ENO1: variants seen among roughly 807,000 people sequenced by gnomAD.
ENO1 encodes the protein alpha-enolase.
A neutral mutation model predicts 46.3 loss-of-function variants in ENO1; 33 were observed. The observed-to-expected ratio is 0.71, with a 90% CI of 0.54 to 0.95. The LOEUF (loss-of-function observed/expected upper bound fraction) is 0.95. ENO1 is among the 40% of genes least tolerant of loss of function. The probability of loss-of-function intolerance (pLI) is 0.00; values close to 1 mark genes in which losing one functional copy is unlikely to be tolerated. For missense variants in ENO1, 488 were observed against 553.3 expected (o/e 0.88, Z 1.18); for synonymous variants, 220 against 216.0 (o/e 1.02, Z -0.16).
Position 8,878,438 on chromosome 1 carries a change from C to G in ENO1, c.-10+142G>C, listed in dbSNP as rs890628057. 8.7e-6 allele frequency: 3 copies of G among 343,826 alleles called. No individual in the cohort carries two copies. In the Admixed American group the frequency reaches 1.2e-4, roughly 14 times the overall value. 21.3% of individuals were successfully genotyped at this position (343,826 alleles called of 1,614,324 possible). A position where few individuals can be genotyped will look rare whatever the true frequency, so the allele number is the denominator to read the frequency against. ...GTGAGCGGGGGCGCCAGTTCCCACC[C>G]AGGGAGGCGGCTTGCACGTGCCCCC... On this transcript the variant is annotated intron_variant, in intron 1 of 11. Coordinates refer to ENST00000234590, the MANE Select transcript of ENO1 (RefSeq NM_001428.5).
At chr1:8,863,158 G>C (rs1374790230) in intron 10 of ENO1, 77 bp downstream of exon 10, 4 of 1,535,096 alleles carry the variant, frequency 2.6e-6, no homozygotes, top group Non-Finnish European at 3.6e-6. Context: ...AACGGGGACA[G>C]ACATGGAGCC....
intron 11 of ENO1, 106 bp downstream of exon 11, chr1:8,862,781 A>T: frequency 7.8e-7 from 1 of 1,289,614 alleles, no homozygotes; most frequent in Non-Finnish European, 1.1e-6. Flanking sequence ...CTGCACCTGT[A>T]CATGTTCCCA....
chr1:8,863,791 A>T (rs1642453589), intron 9 of ENO1, 100 bp downstream of exon 9: 3 of 1,347,324 alleles, frequency 2.2e-6, no homozygotes, highest in African/African-American at 2.9e-5. Context: ...CGAGTCCTAC[A>T]TTCTGGCCAG....
intron 10 of ENO1, 99 bp downstream of exon 10, chr1:8,863,136 G>A (rs953336245): frequency 1.6e-5 from 23 of 1,439,234 alleles, no homozygotes; most frequent in Non-Finnish European, 2.2e-5. Context: ...CTGACTCAGG[G>A]GACATGAGCA....
Position 8,870,717 on chromosome 1 carries a change from G to C in ENO1, c.182-207C>G, listed in dbSNP as rs964448690. 4 of 1,434,434 alleles carry C rather than the reference G, an allele frequency of 2.8e-6. No homozygotes were observed. The African/African-American group carries it at 5.7e-5, about 21-fold the overall frequency. 88.9% of individuals were successfully genotyped at this position (1,434,434 alleles called of 1,614,324 possible). A position where few individuals can be genotyped will look rare whatever the true frequency, so the allele number is the denominator to read the frequency against. ...TCCTACCTAGGACCCCAGAGGGTTA[G>C]AGCCACACAAAACAGCAGCTGGCTC... On this transcript the variant is annotated intron_variant, in intron 3 of 11. Transcript: ENST00000234590.
chr1:8,871,075 C>A (rs1003681132), intron 3 of ENO1: 5 of 1,224,046 alleles, frequency 4.1e-6, no homozygotes, highest in Non-Finnish European at 5.1e-6. Context: ...TCATCCTGCT[C>A]CGGCTAAGTC....
In ENO1 at chr1:8,863,507, C is replaced by T. The variant is rs1250086984; in HGVS notation, c.1068-164G>A. On this transcript the variant is annotated intron_variant, in intron 9 of 11. Coordinates refer to ENST00000234590, the MANE Select transcript of ENO1 (RefSeq NM_001428.5). ...CAAGAGCACAGAGGAGAACCCTCAC[C>T]CTCCCCTGAACTCTTCCACCCCCAG... Among the ~76,000 whole-genome samples, 5 of 152,186 alleles carry T rather than the reference C, an allele frequency of 3.3e-5. No individual in the cohort carries two copies. The East Asian group carries it at 7.7e-4, about 23-fold the overall frequency.
At chr1:8,873,510 C>T (rs1321177013) in intron 2 of ENO1, among the ~76,000 whole-genome samples, 1 of 152,136 alleles carries the variant, frequency 6.6e-6, no homozygotes, top group Non-Finnish European at 1.5e-5. Flanking sequence ...CATTAATATC[C>T]AAGTAGAAAG....
At chr1:8,868,596 G>GAT (rs1392490815) in intron 4 of ENO1, among the ~76,000 whole-genome samples, 8 of 152,192 alleles carry the variant, frequency 5.3e-5, no homozygotes, top group Admixed American at 5.2e-4. Context: ...GGATCAAAAT[G>GAT]AATTTTTGAT....
rs1376556900 is a variant in ENO1 at position 8,867,288 on chromosome 1, C to T, written c.311-38G>A. 3.1e-6 allele frequency: 5 copies of T among 1,609,200 alleles called. No individual in the cohort carries two copies. In the South Asian group the frequency reaches 4.4e-5, roughly 14 times the overall value. On this transcript the variant is annotated intron_variant, in intron 5 of 11. Coordinates refer to ENST00000234590, the MANE Select transcript of ENO1 (RefSeq NM_001428.5). ...AGAACCGAGTGGAATGAAGTCATTTCTGATTCACCAGCTTTTCTCCTGCTG... is the reference window on the plus strand; with the variant it reads ...AGAACCGAGTGGAATGAAGTCATTTTTGATTCACCAGCTTTTCTCCTGCTG...
At chr1:8,876,879 T>C (rs1161313230) in intron 1 of ENO1, among the ~76,000 whole-genome samples, 2 of 152,030 alleles carry the variant, frequency 1.3e-5, no homozygotes, top group Admixed American at 6.5e-5. Flanking sequence ...AGTTTCGCTG[T>C]TGTCGCCCAG....
chr1:8,875,015 G>T (rs572325354), intron 1 of ENO1, 98 bp from the exon 2 acceptor site: 869 of 977,910 alleles, frequency 8.9e-4, no homozygotes, highest in Non-Finnish European at 1.2e-3. Flanking sequence ...GGACTAGAGA[G>T]AATCAGCACT....
In ENO1 at chr1:8,875,062, G is replaced by A. The variant is rs1029728434; in HGVS notation, c.-9-145C>T. On this transcript the variant is annotated intron_variant, in intron 1 of 11. Coordinates refer to ENST00000234590, the MANE Select transcript of ENO1 (RefSeq NM_001428.5). ...TGGATGTAGGAAAGCTGGCTAGGGT[G>A]GGGGGAAAAGCCTGCTGGAAAGCAG... 7 of 614,006 alleles carry A rather than the reference G, an allele frequency of 1.1e-5. No homozygotes were observed. In the African/African-American group the frequency reaches 1.3e-4, roughly 12 times the overall value. The allele number at this position is 614,006 out of a possible 1,614,324, so 38.0% of individuals were successfully genotyped here. A position where few individuals can be genotyped will look rare whatever the true frequency, so the allele number is the denominator to read the frequency against.
rs1306061979 is a variant in ENO1, at chr1:8,866,029, C to T, written c.667+250G>A. ...CCAGGAGGCGGAAGTTGTAGTGAGC[C>T]GAGATTGCGCCACTGCACTCCAGCC... On this transcript the variant is annotated intron_variant, in intron 7 of 11. Transcript: ENST00000234590. 7 of 418,588 alleles carry T rather than the reference C, an allele frequency of 1.7e-5. No individual in the cohort carries two copies. The East Asian group carries it at 1.9e-4, about 11-fold the overall frequency. 25.9% of individuals were successfully genotyped at this position (418,588 alleles called of 1,614,324 possible).
chr1:8,864,114 T>A (rs772694691), intron 8 of ENO1, 22 bp from the exon 9 acceptor site: 11 of 1,612,410 alleles, frequency 6.8e-6, no homozygotes, highest in Non-Finnish European at 9.3e-6. Flanking sequence ...AGGGACACGC[T>A]TCATCAGTGT....
intron 4 of ENO1, among the ~76,000 whole-genome samples, chr1:8,869,258 T>C (rs1245186171): frequency 6.8e-6 from 1 of 147,532 alleles, no homozygotes; most frequent in Non-Finnish European, 1.5e-5. Context: ...CTGCTCATCG[T>C]GTGAGTCACA....
intron 9 of ENO1, 73 bp downstream of exon 9, chr1:8,863,818 C>T: frequency 6.5e-7 from 1 of 1,528,458 alleles, no homozygotes; most frequent in Non-Finnish European, 9.1e-7. Flanking sequence ...TCCCCATCAC[C>T]AGAACAAAAG....
At position 8,861,311 on chromosome 1, in the gene ENO1, A is replaced by AG; in HGVS notation, c.*48dup. ...GAGCTGCCTGAGCTGACACGAGGGG[A>AG]GGGGTCTGTGTAGCCAACAGGTGAC... On this transcript the variant is annotated 3_prime_UTR_variant, in exon 12 of 12. Coordinates refer to ENST00000234590, the MANE Select transcript of ENO1 (RefSeq NM_001428.5). 1 of 1,594,742 alleles carries AG rather than the reference A, an allele frequency of 6.3e-7. No individual in the cohort carries two copies. Among genetic ancestry groups the AG allele is most frequent in the Middle Eastern group, 2.1e-4 (1 of 4,806 alleles).
At chr1:8,863,437 T>C (rs1212975287) in intron 9 of ENO1, 94 bp from the exon 10 acceptor site, 3 of 1,256,946 alleles carry the variant, frequency 2.4e-6, no homozygotes, top group Non-Finnish European at 3.3e-6. Flanking sequence ...AGGAAAGCAG[T>C]GGAGGGGCTG....
Sources: gnomAD v4.1 joint callset for allele counts (sites outside exome capture counted in the v4.1 genomes callset) on GRCh38, gnomAD v4.1.1 for gene constraint, MANE v1.5 for transcripts, NCBI Gene and HGNC (gene_info 2026-07-23, HGNC 2026-07-21) for gene names.